Variants in CLIC4 observed in about 807,000 individuals in gnomAD.
CLIC4 encodes the protein chloride intracellular channel protein 4.
A neutral mutation model predicts 24.6 loss-of-function variants in CLIC4; 13 were observed. The observed-to-expected ratio is 0.53, with a 90% CI of 0.34 to 0.84. CLIC4 has a LOEUF of 0.84. CLIC4 is among the 40% of genes least tolerant of loss of function. The probability of loss-of-function intolerance (pLI) is 0.01; values close to 1 mark genes in which losing one functional copy is unlikely to be tolerated. For synonymous variants in CLIC4, 104 were observed against 111.3 expected (o/e 0.93, Z 0.41); for missense variants, 227 against 301.7 (o/e 0.75, Z 1.83).
intron 2 of CLIC4, among the ~76,000 whole-genome samples, chr1:24,799,440 C>A (rs547906488): frequency 1.1e-4 from 17 of 150,406 alleles, no homozygotes; most frequent in African/African-American, 3.4e-4. Context: ...AGTGAGGAAG[C>A]CCCTCCGCCC....
intron 1 of CLIC4, among the ~76,000 whole-genome samples, 177 bp from the exon 2 acceptor site, chr1:24,797,565 A>G (rs1200857292): frequency 2.0e-5 from 3 of 151,156 alleles, no homozygotes; most frequent in Non-Finnish European, 4.4e-5. Context: ...AAAAAAAGAA[A>G]AAAAAAAAAA....
At chr1:24,781,668 A>ATT (rs770081766) in intron 1 of CLIC4, among the ~76,000 whole-genome samples, 4 of 138,588 alleles carry the variant, frequency 2.9e-5, no homozygotes, top group Non-Finnish European at 4.7e-5. Context: ...TGTGAGACCT[A>ATT]TTTTTTTTTT....
At chr1:24,796,431 C>T (rs1639403121) in intron 1 of CLIC4, among the ~76,000 whole-genome samples, 1 of 152,208 alleles carries the variant, frequency 6.6e-6, no homozygotes, top group Non-Finnish European at 1.5e-5. Flanking sequence ...TCGTGATCTG[C>T]CCTCCTCGGC....
chr1:24,790,683 T>C (rs1307535656), intron 1 of CLIC4, among the ~76,000 whole-genome samples: 3 of 152,116 alleles, frequency 2.0e-5, no homozygotes, highest in Admixed American at 2.0e-4. Flanking sequence ...CTGACTCTGT[T>C]AGGCCTCCTC....
At chr1:24,837,026 AAAG>A (rs1179173136) in intron 4 of CLIC4, among the ~76,000 whole-genome samples, 2 of 152,236 alleles carry the variant, frequency 1.3e-5, no homozygotes, top group Non-Finnish European at 2.9e-5. Flanking sequence ...CTATATTAGA[AAAG>A]AAGAGAGCTA....
intron 1 of CLIC4, among the ~76,000 whole-genome samples, chr1:24,754,763 T>C (rs539162170): frequency 1.3e-5 from 2 of 152,068 alleles, no homozygotes; most frequent in African/African-American, 2.4e-5. Context: ...CAGATATTGG[T>C]ATAAGAAATA....
intron 3 of CLIC4, among the ~76,000 whole-genome samples, chr1:24,820,267 C>CG (rs1639716041): frequency 2.0e-5 from 1 of 49,762 alleles, no homozygotes; most frequent in Non-Finnish European, 3.2e-5. Flanking sequence ...CCTTTTTGGT[C>CG]TTTTTTTTTT....
At chr1:24,773,031 G>A (rs1571236552) in intron 1 of CLIC4, among the ~76,000 whole-genome samples, 1 of 152,084 alleles carries the variant, frequency 6.6e-6, no homozygotes, top group African/African-American at 2.4e-5. Context: ...TATCCTTACA[G>A]CCAATTTTCT....
chr1:24,828,513 T>G, intron 4 of CLIC4, among the ~76,000 whole-genome samples: 1 of 152,196 alleles, frequency 6.6e-6, no homozygotes, highest in East Asian at 1.9e-4. Flanking sequence ...AACTACCCTT[T>G]TATACTTAGA....
intron 1 of CLIC4, among the ~76,000 whole-genome samples, chr1:24,753,271 T>C (rs1344688279): frequency 6.6e-6 from 1 of 152,226 alleles, no homozygotes; most frequent in Admixed American, 6.5e-5. Flanking sequence ...TATTATTAAC[T>C]ATGACTTAAA....
chr1:24,767,299 A>T (rs1471088225), intron 1 of CLIC4, among the ~76,000 whole-genome samples: 1 of 152,168 alleles, frequency 6.6e-6, no homozygotes, highest in Non-Finnish European at 1.5e-5. Flanking sequence ...AGATTATAAG[A>T]GTTAATATAA....
chr1:24,808,689 T>TC (rs2124146257), intron 2 of CLIC4, among the ~76,000 whole-genome samples: 1 of 151,070 alleles, frequency 6.6e-6, no homozygotes, highest in East Asian at 1.9e-4. Context: ...TTTTTTTTTT[T>TC]TTTTTGAGAT....
At chr1:24,794,355 T>TG (rs199522856) in intron 1 of CLIC4, among the ~76,000 whole-genome samples, 36,799 of 150,898 alleles carry the variant, frequency 0.24, 5,014 homozygotes, top group Admixed American at 0.34. Flanking sequence ...GCATCTGTTT[T>TG]TTTTTTTTTT....
intron 1 of CLIC4, among the ~76,000 whole-genome samples, chr1:24,769,042 G>T (rs2124099409): frequency 6.6e-6 from 1 of 152,064 alleles, no homozygotes; most frequent in Non-Finnish European, 1.5e-5. Flanking sequence ...CTACTAGTGG[G>T]GCTGAAGCAG....
chr1:24,796,144 G>A (rs1441059679), intron 1 of CLIC4, among the ~76,000 whole-genome samples: 1 of 152,168 alleles, frequency 6.6e-6, no homozygotes, highest in African/African-American at 2.4e-5. Context: ...TTGTAGTCAT[G>A]TGCTGCATAT....
chr1:24,805,591 C>G (rs553815886), intron 2 of CLIC4, among the ~76,000 whole-genome samples: 2 of 152,098 alleles, frequency 1.3e-5, no homozygotes, highest in South Asian at 4.1e-4. Context: ...TTATTGTTCT[C>G]TTTCTGGAGA....
chr1:24,784,554 G>T (rs781151466), intron 1 of CLIC4, among the ~76,000 whole-genome samples: 1 of 152,158 alleles, frequency 6.6e-6, no homozygotes, highest in Non-Finnish European at 1.5e-5. Flanking sequence ...GTTTCTTCTA[G>T]CCCTGGTAAT....
chr1:24,768,650 C>T (rs759648807), intron 1 of CLIC4, among the ~76,000 whole-genome samples: 2 of 152,070 alleles, frequency 1.3e-5, no homozygotes, highest in Non-Finnish European at 2.9e-5. Flanking sequence ...CGGTGGCTCA[C>T]GCCTGTAATC....
At position 24,843,942 on chromosome 1, in the gene CLIC4, C is replaced by T. The variant is rs2124183341; in HGVS notation, c.*3005C>T. ...ATACAAATTTCATCATTTAATGATT[C>T]ACCAATTTCTTGCATTAATTTGAAT... is the stretch of plus-strand genomic sequence containing the variant. On this transcript the variant is annotated 3_prime_UTR_variant, in exon 6 of 6. Coordinates refer to ENST00000374379, the MANE Select transcript of CLIC4 (RefSeq NM_013943.3). 6.6e-6 allele frequency: 1 copy of T among 152,664 alleles called. No individual in the cohort carries two copies. The highest frequency in any genetic ancestry group is 2.1e-4 in the South Asian group (1 of 4,816). 9.5% of individuals were successfully genotyped at this position (152,664 alleles called of 1,614,324 possible). A position where few individuals can be genotyped will look rare whatever the true frequency, so the allele number is the denominator to read the frequency against.
Sources: allele counts gnomAD v4.1 joint callset (sites outside exome capture counted in the v4.1 genomes callset), GRCh38; gene constraint gnomAD v4.1.1; transcripts MANE v1.5; gene names NCBI Gene and HGNC (gene_info 2026-07-23, HGNC 2026-07-21).